Variants in WWOX observed in about 807,000 individuals in gnomAD.
The protein encoded by WWOX is WW domain containing oxidoreductase, also known as WW domain-containing oxidoreductase.
WWOX carries 69 observed loss-of-function variants against 46.2 expected under a neutral mutation model. The observed-to-expected ratio is 1.49, with a 90% CI of 1.23 to 1.82. The LOEUF is 1.82. Ranked by LOEUF, WWOX falls within the 40% of genes most tolerant of loss-of-function variation. The probability of loss-of-function intolerance (pLI) is 0.00; values close to 1 mark genes in which losing one functional copy is unlikely to be tolerated. For missense variants in WWOX, 919 were observed against 542.6 expected, an observed-to-expected ratio of 1.69 and a Z score of -6.89; for synonymous variants, 359 against 202.6, an observed-to-expected ratio of 1.77 and a Z score of -6.56.
intron 8 of WWOX, among the ~76,000 whole-genome samples, chr16:79,195,051 G>C (rs575436687): frequency 6.6e-6 from 1 of 152,296 alleles, no homozygotes; most frequent in South Asian, 2.1e-4. Flanking sequence ...TATGCATATG[G>C]TGTGATTTGG....
At chr16:78,697,378 C>G (rs1325723833) in intron 8 of WWOX, among the ~76,000 whole-genome samples, 1 of 151,994 alleles carries the variant, frequency 6.6e-6, no homozygotes, top group Non-Finnish European at 1.5e-5. Flanking sequence ...AAGATGGTAT[C>G]GCAAATGCAA....
chr16:79,171,886 T>G (rs1312089935), intron 8 of WWOX, among the ~76,000 whole-genome samples: 2 of 152,222 alleles, frequency 1.3e-5, no homozygotes. Flanking sequence ...TTTTAAAATC[T>G]GAAATCCCAG....
intron 8 of WWOX, among the ~76,000 whole-genome samples, chr16:78,886,127 G>A (rs563653363): frequency 3.8e-4 from 57 of 151,780 alleles, no homozygotes; most frequent in African/African-American, 1.4e-3. Context: ...GTGTCACCAT[G>A]TTGGCCAGGC....
chr16:79,169,004 T>C (rs1255820197), intron 8 of WWOX, among the ~76,000 whole-genome samples: 1 of 152,228 alleles, frequency 6.6e-6, no homozygotes, highest in East Asian at 1.9e-4. Context: ...AAAAATCTTT[T>C]CACCCCTTTA....
chr16:79,077,001 A>C (rs1003926436), intron 8 of WWOX, among the ~76,000 whole-genome samples: 5 of 152,170 alleles, frequency 3.3e-5, no homozygotes, highest in African/African-American at 1.2e-4. Context: ...GAACTGTATG[A>C]AATGACTGTT....
chr16:78,242,325 T>G (rs1178035264), intron 5 of WWOX, among the ~76,000 whole-genome samples: 4 of 152,222 alleles, frequency 2.6e-5, no homozygotes, highest in African/African-American at 9.6e-5. Context: ...AAGTTATTTG[T>G]AAAATGATAT....
chr16:78,191,171 C>A (rs187787116), intron 5 of WWOX, among the ~76,000 whole-genome samples: 32 of 152,280 alleles, frequency 2.1e-4, no homozygotes, highest in African/African-American at 5.5e-4. Flanking sequence ...CTGGAGCCTC[C>A]CAAGGCCAAG....
At chr16:78,624,815 C>A (rs2046274078) in intron 8 of WWOX, among the ~76,000 whole-genome samples, 1 of 152,228 alleles carries the variant, frequency 6.6e-6, no homozygotes, top group Non-Finnish European at 1.5e-5. Context: ...TGTACGATTT[C>A]TGGCTTGAAT....
In WWOX at chr16:78,575,000, TATATATATATATATATATATAA is replaced by T. The variant is rs1567654951; in HGVS notation, c.1056+142270_1056+142291del. Among the ~76,000 whole-genome samples, 22 of 8,724 alleles carry T rather than the reference TATATATATATATATATATATAA, an allele frequency of 2.5e-3. 4 individuals carry two copies. The highest frequency in any genetic ancestry group is 3.5e-3 in the Admixed American group (1 of 284). 5.7% of individuals were successfully genotyped at this position (8,724 alleles called of 152,430 possible). A position where few individuals can be genotyped will look rare whatever the true frequency, so the allele number is the denominator to read the frequency against. On this transcript the variant is annotated intron_variant, in intron 8 of 8. Coordinates refer to ENST00000566780, the MANE Select transcript of WWOX (RefSeq NM_016373.4). The stretch of plus-strand genomic sequence containing the variant: ...ATATATTCAATATTTATTTTTCAAT[TATATATATATATATATATATAA>T]ATATATATATATATATATATATATA...
At chr16:78,522,601 T>A (rs912609508) in intron 8 of WWOX, among the ~76,000 whole-genome samples, 3 of 152,216 alleles carry the variant, frequency 2.0e-5, no homozygotes, top group African/African-American at 7.2e-5. Context: ...TTCCTGTTTT[T>A]GATTAATATT....
chr16:78,112,228 G>T (rs978053606), intron 3 of WWOX, among the ~76,000 whole-genome samples: 80 of 152,076 alleles, frequency 5.3e-4, no homozygotes, highest in African/African-American at 1.9e-3. Context: ...GAGTTTTATG[G>T]TATTTTTCTA....
intron 8 of WWOX, among the ~76,000 whole-genome samples, chr16:79,000,983 C>G (rs981752576): frequency 6.6e-6 from 1 of 152,158 alleles, no homozygotes; most frequent in Non-Finnish European, 1.5e-5. Flanking sequence ...TAGGGCCTAC[C>G]ACCGCCTGGG....
intron 8 of WWOX, among the ~76,000 whole-genome samples, chr16:78,994,702 A>G (rs1373653777): frequency 6.6e-6 from 1 of 152,034 alleles, no homozygotes; most frequent in Non-Finnish European, 1.5e-5. Flanking sequence ...GGGTGGAATC[A>G]AAAGGGGGAA....
At chr16:78,759,305 G>C (rs2049733359) in intron 8 of WWOX, among the ~76,000 whole-genome samples, 1 of 152,182 alleles carries the variant, frequency 6.6e-6, no homozygotes. Context: ...GGTGAGAAAT[G>C]AATTCGTAAG....
chr16:79,191,785 T>C (rs1055875588), intron 8 of WWOX, among the ~76,000 whole-genome samples: 1 of 152,154 alleles, frequency 6.6e-6, no homozygotes, highest in African/African-American at 2.4e-5. Context: ...GAAAATCCAC[T>C]GAATAAATGT....
chr16:78,859,943 T>C (rs2151190474), intron 8 of WWOX, among the ~76,000 whole-genome samples: 1 of 152,346 alleles, frequency 6.6e-6, no homozygotes, highest in Admixed American at 6.5e-5. Context: ...GAAAGCATAA[T>C]GAACTTTGTG....
chr16:78,828,496 G>C (rs1257851532), intron 8 of WWOX, among the ~76,000 whole-genome samples: 6 of 151,888 alleles, frequency 4.0e-5, no homozygotes, highest in Admixed American at 2.6e-4. Context: ...GTCCAGCACT[G>C]CACTGGGCAT....
intron 8 of WWOX, among the ~76,000 whole-genome samples, chr16:79,179,772 G>C (rs1308487908): frequency 1.3e-5 from 2 of 152,184 alleles, no homozygotes; most frequent in Non-Finnish European, 2.9e-5. Context: ...TCTCAACCTT[G>C]AATCCCTTAA....
At chr16:78,789,635 C>A (rs973214672) in intron 8 of WWOX, among the ~76,000 whole-genome samples, 1 of 152,064 alleles carries the variant, frequency 6.6e-6, no homozygotes, top group African/African-American at 2.4e-5. Flanking sequence ...TTCTGGGTCC[C>A]TTGTATTTCC....
Sources: allele counts gnomAD v4.1 joint callset (sites outside exome capture counted in the v4.1 genomes callset), GRCh38; gene constraint gnomAD v4.1.1; transcripts MANE v1.5; gene names NCBI Gene and HGNC (gene_info 2026-07-23, HGNC 2026-07-21).